Variants in GRK5 observed in about 807,000 individuals in gnomAD.
GRK5 encodes the protein g protein-coupled receptor kinase GRK5.
A neutral mutation model predicts 78.4 loss-of-function variants in GRK5; 40 were observed. The observed-to-expected ratio is 0.51, with a 90% CI of 0.40 to 0.66. The LOEUF is 0.66. GRK5 is among the 30% of genes least tolerant of loss of function. The probability of loss-of-function intolerance (pLI) is 0.00; values close to 1 mark genes in which losing one functional copy is unlikely to be tolerated. For synonymous variants in GRK5, 289 were observed against 296.8 expected (o/e 0.97, Z 0.27); for missense variants, 598 against 759.9 (o/e 0.79, Z 2.50).
At chr10:119,359,411 C>T (rs1564904192) in intron 2 of GRK5, among the ~76,000 whole-genome samples, 1 of 152,216 alleles carries the variant, frequency 6.6e-6, no homozygotes. Flanking sequence ...CGTGGCCCAG[C>T]AAGGCAGCTG....
chr10:119,326,579 T>A lies in GRK5; in HGVS notation c.116T>A (p.Ile39Asn), dbSNP rs199919771. ...AAAGAAATCCTGAAGTTCCCTCACATTAGCCAGTGTGAAGACCTCCGAAGG... is the reference window on the plus strand; with the variant it reads ...AAAGAAATCCTGAAGTTCCCTCACAATAGCCAGTGTGAAGACCTCCGAAGG... Reference protein sequence around the residue: ...KWKEILKFPHISQCEDLRRTI... With the variant: ...KWKEILKFPHNSQCEDLRRTI... Residue 39 changes from isoleucine (I) to asparagine (N), a missense_variant, in exon 2 of 16, where the codon ATT becomes AAT. By Grantham distance (149) the Ile-to-Asn change is moderately radical. Coordinates refer to ENST00000392870, the MANE Select transcript of GRK5 (RefSeq NM_005308.3). The A allele has an allele frequency of 4.3e-6, 7 of 1,614,058 alleles. No homozygotes were observed. The highest frequency in any genetic ancestry group is 5.9e-6 in the Non-Finnish European group (7 of 1,179,904).
At chr10:119,394,254 A>G (rs796719542) in intron 3 of GRK5, among the ~76,000 whole-genome samples, 231 of 7,012 alleles carry the variant, frequency 0.033, 3 homozygotes, top group East Asian at 0.057. Flanking sequence ...CTGTGTGTGG[A>G]TGTATCTGTG....
At chr10:119,244,887 A>G (rs1849080189) in intron 1 of GRK5, among the ~76,000 whole-genome samples, 4 of 152,220 alleles carry the variant, frequency 2.6e-5, no homozygotes, top group Non-Finnish European at 4.4e-5. Flanking sequence ...ATAAAATAGC[A>G]TAGTCAGCTA....
intron 1 of GRK5, among the ~76,000 whole-genome samples, chr10:119,311,089 A>C (rs928000380): frequency 1.8e-4 from 28 of 152,228 alleles, no homozygotes; most frequent in African/African-American, 6.5e-4. Context: ...TTCAGAGCAG[A>C]AAATGGAGGC....
chr10:119,352,451 G>A (rs1212705261), intron 2 of GRK5, among the ~76,000 whole-genome samples: 1 of 152,202 alleles, frequency 6.6e-6, no homozygotes, highest in Admixed American at 6.5e-5. Context: ...CCCACTGTGT[G>A]CTCAGCATAT....
rs543602198 is a variant in GRK5 at position 119,399,950 on chromosome 10, T to G, written c.339+3178T>G. On this transcript the variant is annotated intron_variant, in intron 4 of 15. Transcript: ENST00000392870. ...TTCAGGCTGTGCCCCAGAAGGCCCT[T>G]TATGAAGGCGCTGTCCCCTACTCTG... Among the ~76,000 whole-genome samples the G allele has an allele frequency of 3.3e-5, 5 of 152,314 alleles. No individual in the cohort carries two copies. The East Asian group carries it at 9.6e-4, about 29-fold the overall frequency.
At chr10:119,297,619 G>A (rs1850105493) in intron 1 of GRK5, among the ~76,000 whole-genome samples, 1 of 152,240 alleles carries the variant, frequency 6.6e-6, no homozygotes. Context: ...TCAGGAGCGG[G>A]TTTGTTATGA....
chr10:119,375,800 G>A (rs1589771920), intron 2 of GRK5, among the ~76,000 whole-genome samples: 2 of 152,126 alleles, frequency 1.3e-5, no homozygotes, highest in Admixed American at 1.3e-4. Context: ...AACACATGTC[G>A]TTTTCTTGAA....
intron 2 of GRK5, among the ~76,000 whole-genome samples, chr10:119,360,946 G>A (rs912423973): frequency 5.3e-5 from 8 of 152,208 alleles, no homozygotes; most frequent in African/African-American, 1.9e-4. Context: ...GTTAGTCGCT[G>A]CCTTTCCCTC....
intron 1 of GRK5, among the ~76,000 whole-genome samples, chr10:119,222,137 A>G (rs549561998): frequency 7.2e-5 from 11 of 152,286 alleles, no homozygotes; most frequent in Admixed American, 6.5e-4. Flanking sequence ...GAAAGAAGGA[A>G]AACAAGCTCA....
chr10:119,366,236 G>T (rs550726359), intron 2 of GRK5, among the ~76,000 whole-genome samples: 5 of 152,220 alleles, frequency 3.3e-5, no homozygotes, highest in Non-Finnish European at 5.9e-5. Context: ...TTGACAAAAG[G>T]AGTGTAAACA....
chr10:119,313,084 TGGTG>T (rs1850407777), intron 1 of GRK5, among the ~76,000 whole-genome samples: 2 of 147,698 alleles, frequency 1.4e-5, no homozygotes, highest in African/African-American at 5.0e-5. Context: ...GTGGTGGTGG[TGGTG>T]ATGGTGGTGA....
chr10:119,285,038 TC>T (rs1449119912), intron 1 of GRK5, among the ~76,000 whole-genome samples: 3 of 152,316 alleles, frequency 2.0e-5, no homozygotes, highest in Non-Finnish European at 4.4e-5. Context: ...GATGTGTTCC[TC>T]ATGAAAGGTT....
At chr10:119,309,011 G>C (rs871200) in intron 1 of GRK5, among the ~76,000 whole-genome samples, 60,316 of 152,188 alleles carry the variant, frequency 0.4, 13,349 homozygotes, top group Non-Finnish European at 0.5. Flanking sequence ...CTGGTGCTGA[G>C]GCTGGGAGGG....
chr10:119,422,922 TCCTGAA>T (rs1361240664), intron 4 of GRK5, among the ~76,000 whole-genome samples: 1 of 152,226 alleles, frequency 6.6e-6, no homozygotes, highest in Non-Finnish European at 1.5e-5. Context: ...AGAAGTCTCA[TCCTGAA>T]CCTAGGCTCA....
At chr10:119,210,323 A>G (rs1848467023) in intron 1 of GRK5, among the ~76,000 whole-genome samples, 2 of 152,172 alleles carry the variant, frequency 1.3e-5, no homozygotes, top group Admixed American at 6.5e-5. Flanking sequence ...TACAATTTGC[A>G]TCTCTCCCCT....
At chr10:119,262,371 C>G (rs1158029412) in intron 1 of GRK5, among the ~76,000 whole-genome samples, 1 of 117,190 alleles carries the variant, frequency 8.5e-6, no homozygotes, top group East Asian at 2.7e-4. Context: ...TGGAGTCTCC[C>G]TCTGTTGCCC....
At chr10:119,335,171 T>TCTCTCCCTCTCTCTCTCTCC (rs1564895396) in intron 2 of GRK5, among the ~76,000 whole-genome samples, 1 of 126,968 alleles carries the variant, frequency 7.9e-6, no homozygotes, top group Non-Finnish European at 1.6e-5. Flanking sequence ...TCTCTCTCTC[T>TCTCTCCCTCTCTCTCTCTCC]CTCTCCCCCT....
intron 1 of GRK5, among the ~76,000 whole-genome samples, chr10:119,296,607 G>A (rs1044430689): frequency 5.9e-5 from 9 of 152,216 alleles, no homozygotes; most frequent in African/African-American, 1.2e-4. Flanking sequence ...TGTGGAGGAC[G>A]TCATGGTGCA....
Sources: gnomAD v4.1 joint callset for allele counts (sites outside exome capture counted in the v4.1 genomes callset) on GRCh38, gnomAD v4.1.1 for gene constraint, MANE v1.5 for transcripts, NCBI Gene and HGNC (gene_info 2026-07-23, HGNC 2026-07-21) for gene names.